The following SIN3A variants were observed in gnomAD, a reference collection of about 807,000 sequenced individuals.
The protein encoded by SIN3A is paired amphipathic helix protein Sin3a.
In SIN3A, 14 loss-of-function variants were observed where a neutral mutation model predicts 146.1. The observed-to-expected ratio is 0.10, with a 90% CI of 0.06 to 0.15. SIN3A has a LOEUF of 0.15. SIN3A is among the 10% of genes least tolerant of loss of function. The pLI is 1.00. For missense variants in SIN3A, 1,028 were observed against 1,576.0 expected, an observed-to-expected ratio of 0.65 and a Z score of 5.89; for synonymous variants, 572 against 572.0, an observed-to-expected ratio of 1.00 and a Z score of 0.00.
At chr15:75,387,907 C>T (rs1297226829) in intron 16 of SIN3A, among the ~76,000 whole-genome samples, 1 of 152,118 alleles carries the variant, frequency 6.6e-6, no homozygotes, top group African/African-American at 2.4e-5. Context: ...CCATCCAGAC[C>T]TCTTATGGGA....
intron 15 of SIN3A, 101 bp downstream of exon 15, chr15:75,392,141 A>AT: frequency 9.8e-7 from 1 of 1,018,952 alleles, no homozygotes. Flanking sequence ...ACAGACTCTA[A>AT]TGCCTGTGCT....
chr15:75,410,096 T>C, intron 7 of SIN3A, 38 bp downstream of exon 7: 1 of 1,606,220 alleles, frequency 6.2e-7, no homozygotes, highest in Non-Finnish European at 8.5e-7. Context: ...TCTAAGATAA[T>C]AATAGTAAAT....
At chr15:75,444,559 C>T (rs2074271480) in intron 1 of SIN3A, among the ~76,000 whole-genome samples, 1 of 150,844 alleles carries the variant, frequency 6.6e-6, no homozygotes, top group African/African-American at 2.4e-5. Flanking sequence ...AAAAAAAAAG[C>T]AAAACTCAAA....
chr15:75,430,228 A>C lies in SIN3A; in HGVS notation c.148T>G (p.Ser50Ala). The change falls in exon 2 of 21, where the codon TCA becomes GCA. Residue 50 changes from serine (S) to alanine (A), a missense_variant. Physicochemically the swap from Ser to Ala is moderately conservative, Grantham distance 99. Coordinates refer to ENST00000394947, the MANE Select transcript of SIN3A (RefSeq NM_001145358.2). Reference protein sequence around the residue: ...VYEAVSETMQSATGIQYSVTP... With the variant: ...VYEAVSETMQAATGIQYSVTP... The stretch of plus-strand genomic sequence containing the variant: ...ACAGAGTACTGAATTCCCGTAGCTG[A>C]CTGCATGGTCTCAGACACTGCTTCA... 6.2e-7 allele frequency: 1 copy of C among 1,614,082 alleles called. No individual in the cohort carries two copies. The highest frequency in any genetic ancestry group is 8.5e-7 in the Non-Finnish European group (1 of 1,180,012).
At chr15:75,415,072 C>T (rs570316214) in intron 3 of SIN3A, among the ~76,000 whole-genome samples, 1 of 152,082 alleles carries the variant, frequency 6.6e-6, no homozygotes, top group Non-Finnish European at 1.5e-5. Context: ...TCTGCATTTT[C>T]GTGTACGCAA....
intron 2 of SIN3A, among the ~76,000 whole-genome samples, chr15:75,429,714 G>C (rs1005750813): frequency 6.6e-6 from 1 of 152,134 alleles, no homozygotes; most frequent in Non-Finnish European, 1.5e-5. Context: ...CAGCCCAATA[G>C]TCCAACAGTA....
At chr15:75,410,387 T>C (rs2073610125) in intron 6 of SIN3A, 101 bp from the exon 7 acceptor site, 2 of 1,196,678 alleles carry the variant, frequency 1.7e-6, no homozygotes, top group African/African-American at 1.5e-5. Flanking sequence ...AGGCTGCATG[T>C]AAGAAGAAAG....
At chr15:75,375,160 C>T (rs972315277) in intron 20 of SIN3A, among the ~76,000 whole-genome samples, 12 of 152,156 alleles carry the variant, frequency 7.9e-5, no homozygotes, top group African/African-American at 2.7e-4. Context: ...TGGTGGCTCA[C>T]GCCTGTAATG....
upstream of SIN3A, among the ~76,000 whole-genome samples, chr15:75,454,362 C>T (rs1009570809): frequency 2.0e-5 from 3 of 152,100 alleles, no homozygotes; most frequent in African/African-American, 4.8e-5. Context: ...AGCTCCCCTG[C>T]AGGCGGGTTG....
intron 3 of SIN3A, among the ~76,000 whole-genome samples, chr15:75,418,631 T>A (rs1365134448): frequency 6.7e-6 from 1 of 149,922 alleles, no homozygotes; most frequent in African/African-American, 2.5e-5. Context: ...GCACCTTGAT[T>A]TTAGATTTCC....
At chr15:75,453,065 G>A (rs2074434442), upstream of SIN3A, 1 of 152,226 alleles carries the variant, frequency 6.6e-6, no homozygotes, top group African/African-American at 2.4e-5. Context: ...AGAGGTGACG[G>A]GATTACGTTG....
At chr15:75,383,254 AGT>A (rs1357690930) in intron 17 of SIN3A, among the ~76,000 whole-genome samples, 2 of 151,224 alleles carry the variant, frequency 1.3e-5, no homozygotes, top group African/African-American at 4.9e-5. Flanking sequence ...CCTGGGCAAC[AGT>A]GTGTGTCCCT....
chr15:75,384,472 C>A, intron 16 of SIN3A, 35 bp from the exon 17 acceptor site: 1 of 1,453,100 alleles, frequency 6.9e-7, no homozygotes, highest in Non-Finnish European at 9.2e-7. Flanking sequence ...TTAGTGAACA[C>A]AGAAAACATT....
intron 12 of SIN3A, among the ~76,000 whole-genome samples, chr15:75,398,031 T>C (rs2073336918): frequency 6.6e-6 from 1 of 152,090 alleles, no homozygotes; most frequent in African/African-American, 2.4e-5. Context: ...TGGTTCTCAA[T>C]TAAAAACACA....
rs2072944428 is a variant in SIN3A at position 75,380,523 on chromosome 15, A to G, written c.3383+106T>C. ...TGAATTAGCATCCCCAGCAGATAGA[A>G]CAAATGAATAAAATATGTGAAGGCC... On this transcript the variant is annotated intron_variant, in intron 19 of 20. Transcript: ENST00000394947. 6 of 840,402 alleles carry G rather than the reference A, an allele frequency of 7.1e-6. No homozygotes were observed. The Admixed American group carries it at 1.2e-4, about 16-fold the overall frequency. The allele number at this position is 840,402 out of a possible 1,614,324, so 52.1% of individuals were successfully genotyped here.
At chr15:75,454,882 G>C (rs1377472976), upstream of SIN3A, 1 of 152,368 alleles carries the variant, frequency 6.6e-6, no homozygotes, top group Non-Finnish European at 1.5e-5. Context: ...CGAGTTTCTG[G>C]GGGTTTTCCG....
chr15:75,449,023 C>G (rs1050482698), intron 1 of SIN3A, among the ~76,000 whole-genome samples: 2 of 152,064 alleles, frequency 1.3e-5, no homozygotes, highest in African/African-American at 2.4e-5. Flanking sequence ...GAAAATGTTC[C>G]TAATACAGCA....
chr15:75,422,380 G>C (rs896808947), intron 3 of SIN3A: 13 of 602,796 alleles, frequency 2.2e-5, no homozygotes, highest in Non-Finnish European at 3.5e-5. Flanking sequence ...GGTTTATTTT[G>C]TATTAAAATG....
chr15:75,451,371 G>C (rs1336885179), intron 1 of SIN3A, 52 bp downstream of exon 1: 1 of 144,316 alleles, frequency 6.9e-6, no homozygotes, highest in Non-Finnish European at 1.5e-5. Flanking sequence ...CTCGAGTCCG[G>C]CGTTACCCGC....
Sources: gnomAD v4.1 joint callset for allele counts (sites outside exome capture counted in the v4.1 genomes callset) on GRCh38, gnomAD v4.1.1 for gene constraint, MANE v1.5 for transcripts, NCBI Gene and HGNC (gene_info 2026-07-23, HGNC 2026-07-21) for gene names.